BST1: variants seen among roughly 807,000 people sequenced by gnomAD.
BST1 encodes the protein bone marrow stromal cell antigen 1, also known as ADP-ribosyl cyclase/cyclic ADP-ribose hydrolase 2.
In BST1, 49 loss-of-function variants were observed where a neutral mutation model predicts 40.6. That is an observed-to-expected ratio of 1.21 (90% CI 0.96 to 1.53). The LOEUF (loss-of-function observed/expected upper bound fraction) is 1.53, where lower values mean the gene tolerates loss of function less well. Among genes scored for constraint, BST1 ranks in the 40% most tolerant of loss-of-function variants. The pLI is 0.00. For missense variants in BST1, 423 were observed against 395.9 expected, an observed-to-expected ratio of 1.07 and a Z score of -0.58; for synonymous variants, 157 against 159.3, an observed-to-expected ratio of 0.99 and a Z score of 0.11.
intron 8 of BST1, chr4:15,731,455 T>G: frequency 1.3e-6 from 1 of 772,408 alleles, no homozygotes; most frequent in South Asian, 1.4e-5. Context: ...GGGCAGGGAG[T>G]GGACTTAAGC....
At chr4:15,734,432 T>G (rs1375674832), downstream of BST1, among the ~76,000 whole-genome samples, 1 of 152,156 alleles carries the variant, frequency 6.6e-6, no homozygotes, top group African/African-American at 2.4e-5. Context: ...AATTATATGA[T>G]GAAAATGTCT....
downstream of BST1, among the ~76,000 whole-genome samples, chr4:15,733,890 A>G (rs886277695): frequency 6.6e-6 from 1 of 152,216 alleles, no homozygotes; most frequent in Non-Finnish European, 1.5e-5. Context: ...AACTATTTAC[A>G]TGGGTTTTAG....
chr4:15,736,830 C>T (rs1320529151), downstream of BST1, among the ~76,000 whole-genome samples: 1 of 152,176 alleles, frequency 6.6e-6, no homozygotes, highest in African/African-American at 2.4e-5. Flanking sequence ...CTCTTGAGGA[C>T]AGCAACTTTA....
intron 7 of BST1, among the ~76,000 whole-genome samples, chr4:15,720,970 C>A (rs906577711): frequency 6.6e-6 from 1 of 152,214 alleles, no homozygotes; most frequent in Non-Finnish European, 1.5e-5. Flanking sequence ...CCCAGGTCTC[C>A]TTGCCCCTCA....
At chr4:15,746,816 A>G in the BST1 span, among the ~76,000 whole-genome samples, 1 of 152,184 alleles carries the variant, frequency 6.6e-6, no homozygotes, top group Non-Finnish European at 1.5e-5. Context: ...GGCTAGGGAC[A>G]TGATCACAGC....
chr4:15,754,079 G>C, the BST1 span, among the ~76,000 whole-genome samples: 6 of 152,090 alleles, frequency 3.9e-5, no homozygotes, highest in South Asian at 2.1e-4. Flanking sequence ...AAGGCCAAGT[G>C]GGGGGGTGTG....
chr4:15,743,473 A>G, the BST1 span: 1 of 259,532 alleles, frequency 3.9e-6, no homozygotes, highest in South Asian at 4.2e-5. Context: ...AGAAAATAGC[A>G]GAAGAAAAAA....
downstream of BST1, among the ~76,000 whole-genome samples, chr4:15,739,777 G>A (rs1721694343): frequency 6.6e-6 from 1 of 152,144 alleles, no homozygotes; most frequent in Admixed American, 6.5e-5. Flanking sequence ...ATTTTGTAGG[G>A]TAAAAAGATG....
At chr4:15,749,228 G>C in the BST1 span, among the ~76,000 whole-genome samples, 1 of 152,190 alleles carries the variant, frequency 6.6e-6, no homozygotes, top group African/African-American at 2.4e-5. Flanking sequence ...AGTCAGAGAA[G>C]GCTCTCAGGC....
chr4:15,707,280 T>C (rs1447820381), intron 2 of BST1, among the ~76,000 whole-genome samples: 1 of 152,128 alleles, frequency 6.6e-6, no homozygotes, highest in Non-Finnish European at 1.5e-5. Context: ...TTAGTACTAG[T>C]GAGAAAATAT....
At chr4:15,765,843 C>T in the BST1 span, among the ~76,000 whole-genome samples, 1 of 151,932 alleles carries the variant, frequency 6.6e-6, no homozygotes, top group African/African-American at 2.4e-5. Flanking sequence ...TGTTTCTTAG[C>T]CCTCATCATC....
At chr4:15,764,049 G>A in the BST1 span, among the ~76,000 whole-genome samples, 2 of 151,968 alleles carry the variant, frequency 1.3e-5, no homozygotes, top group Non-Finnish European at 2.9e-5. Context: ...GTAAACTATG[G>A]GCTTTGGGTG....
intron 6 of BST1, among the ~76,000 whole-genome samples, 165 bp from the exon 7 acceptor site, chr4:15,718,742 G>C (rs911171961): frequency 2.6e-5 from 4 of 152,172 alleles, no homozygotes; most frequent in Non-Finnish European, 5.9e-5. Flanking sequence ...GGTCCTGCAG[G>C]TTTACCGGAA....
the BST1 span, among the ~76,000 whole-genome samples, chr4:15,762,124 G>A: frequency 1.4e-4 from 21 of 148,704 alleles, no homozygotes; most frequent in Non-Finnish European, 2.8e-4. Context: ...GGGAGGAAGA[G>A]GTTGCGGTGA....
At chr4:15,749,584 A>G in the BST1 span, among the ~76,000 whole-genome samples, 3 of 152,200 alleles carry the variant, frequency 2.0e-5, no homozygotes, top group African/African-American at 7.2e-5. Flanking sequence ...CACTTCTTCA[A>G]TTAGAACTAA....
exon 7 of BST1, chr4:15,738,065 T>TA (rs1198362784): frequency 3.7e-6 from 1 of 267,146 alleles, no homozygotes; most frequent in Non-Finnish European, 7.7e-6. Flanking sequence ...TGTCCAAACC[T>TA]ACAGAAGGTA....
At chr4:15,764,274 A>G in the BST1 span, among the ~76,000 whole-genome samples, 1 of 152,074 alleles carries the variant, frequency 6.6e-6, no homozygotes, top group Non-Finnish European at 1.5e-5. Flanking sequence ...CCCTATTTTC[A>G]ATGAATTATA....
At chr4:15,733,079 C>A (rs377254214), downstream of BST1, among the ~76,000 whole-genome samples, 1 of 152,142 alleles carries the variant, frequency 6.6e-6, no homozygotes, top group South Asian at 2.1e-4. Flanking sequence ...AGCGAAAAAA[C>A]AAAGCTTCCA....
At chr4:15,741,742 TA>T (rs1262781985), downstream of BST1, among the ~76,000 whole-genome samples, 2 of 152,222 alleles carry the variant, frequency 1.3e-5, no homozygotes, top group African/African-American at 4.8e-5. Flanking sequence ...CCATGCTCAT[TA>T]GTTTGTGCTT....
Sources: allele counts gnomAD v4.1 joint callset (sites outside exome capture counted in the v4.1 genomes callset), GRCh38; gene constraint gnomAD v4.1.1; transcripts MANE v1.5; gene names NCBI Gene and HGNC (gene_info 2026-07-23, HGNC 2026-07-21).